PCDH11X: variants seen among roughly 807,000 people sequenced by gnomAD.
PCDH11X encodes protocadherin-11 X-linked.
PCDH11X carries 18 observed loss-of-function variants against 53.3 expected under a neutral mutation model. That is an observed-to-expected ratio of 0.34 (90% confidence interval 0.23 to 0.50). PCDH11X has a LOEUF of 0.50. Among genes scored for constraint, PCDH11X ranks in the 20% least tolerant of loss-of-function variants. PCDH11X has a pLI of 0.98. For synonymous variants in PCDH11X, 279 were observed against 393.3 expected, an observed-to-expected ratio of 0.71 and a Z score of 3.44; for missense variants, 570 against 1,032.4, an observed-to-expected ratio of 0.55 and a Z score of 6.14.
intron 4 of PCDH11X, 70 bp from the exon 5 acceptor site, chrX:91,835,391 C>T: frequency 8.3e-7 from 1 of 1,204,070 alleles, no homozygotes; most frequent in Non-Finnish European, 1.1e-6. Flanking sequence ...TTTTTGTTAA[C>T]ATGCATGTTT....
intron 5 of PCDH11X, among the ~76,000 whole-genome samples, chrX:91,853,125 A>G (rs1039249537): frequency 1.8e-5 from 2 of 108,212 alleles, no homozygotes; most frequent in African/African-American, 6.7e-5. Flanking sequence ...CTTTTAACAA[A>G]TTCATAATAT....
chrX:92,534,382 C>A, intron 10 of PCDH11X, among the ~76,000 whole-genome samples: 1 of 111,012 alleles, frequency 9.0e-6, no homozygotes, highest in East Asian at 2.8e-4. Flanking sequence ...ACGAGCAAAG[C>A]CTCCAAGACA....
chrX:91,781,298 C>G lies in PCDH11X; in HGVS notation c.-379+1614C>G, dbSNP rs766517489. ...TGTGTGGAAGAAACTGGTTGAAAAT[C>G]CGGGTAGAAGGGGGAGGGGGGGCAG... On this transcript the variant is annotated intron_variant, in intron 1 of 10. Transcript: ENST00000682573. Among the ~76,000 whole-genome samples, 23 of 105,869 alleles carry G rather than the reference C, an allele frequency of 2.2e-4. No individual in the cohort carries two copies. In the South Asian group the frequency reaches 9.6e-3, roughly 44 times the overall value. 91.9% of individuals were successfully genotyped at this position (105,869 alleles called of 115,157 possible).
chrX:92,215,767 C>T (rs945751009), intron 7 of PCDH11X, among the ~76,000 whole-genome samples: 1 of 106,677 alleles, frequency 9.4e-6, no homozygotes, highest in Non-Finnish European at 1.9e-5. Flanking sequence ...GTATCCCTGA[C>T]CCCTGACTCC....
intron 1 of PCDH11X, among the ~76,000 whole-genome samples, chrX:91,805,045 C>A (rs1936053760): frequency 9.8e-6 from 1 of 102,078 alleles, no homozygotes; most frequent in Non-Finnish European, 2.0e-5. Flanking sequence ...AATGAATATA[C>A]CACACTTTAT....
intron 6 of PCDH11X, among the ~76,000 whole-genome samples, chrX:92,117,436 C>CA (rs10628988): frequency 0.014 from 1,337 of 95,146 alleles, 15 homozygotes; most frequent in African/African-American, 0.045. Flanking sequence ...AACTCTGTCT[C>CA]AAAAAAAAAA....
chrX:91,909,554 G>T (rs760716534), intron 6 of PCDH11X, among the ~76,000 whole-genome samples: 1 of 109,542 alleles, frequency 9.1e-6, no homozygotes, highest in African/African-American at 3.3e-5. Flanking sequence ...AACAAAAGAA[G>T]GTGTAGGCAT....
At chrX:92,248,645 T>C (rs764291956) in intron 7 of PCDH11X, among the ~76,000 whole-genome samples, 2 of 111,866 alleles carry the variant, frequency 1.8e-5, no homozygotes, top group East Asian at 5.6e-4. Context: ...ATAGTTACTC[T>C]ACTGTGCTAT....
intron 6 of PCDH11X, among the ~76,000 whole-genome samples, chrX:92,095,902 C>T (rs1381036947): frequency 8.9e-6 from 1 of 111,844 alleles, no homozygotes; most frequent in Non-Finnish European, 1.9e-5. Flanking sequence ...TTACTTTTTG[C>T]TATTCAAGTT....
chrX:92,273,558 G>T (rs998671068), intron 8 of PCDH11X, among the ~76,000 whole-genome samples: 1 of 110,628 alleles, frequency 9.0e-6, no homozygotes, highest in African/African-American at 3.3e-5. Flanking sequence ...GTGTTGAAGT[G>T]TTGGGGCGGT....
intron 10 of PCDH11X, among the ~76,000 whole-genome samples, chrX:92,548,459 T>G (rs1204415206): frequency 8.9e-6 from 1 of 111,894 alleles, no homozygotes; most frequent in African/African-American, 3.3e-5. Flanking sequence ...GCATGAGCCA[T>G]CGCACGCAGC....
At chrX:92,522,967 A>G (rs1173048022) in intron 10 of PCDH11X, among the ~76,000 whole-genome samples, 1 of 111,446 alleles carries the variant, frequency 9.0e-6, no homozygotes, top group Non-Finnish European at 1.9e-5. Context: ...TTTGGCCACT[A>G]AGAAAGTAAG....
rs1384963867 is a variant in PCDH11X, at chrX:92,505,662, G to A, written c.3367+37340G>A. Among the ~76,000 whole-genome samples the A allele has an allele frequency of 4.5e-5, 5 of 110,977 alleles. No individual in the cohort carries two copies. In the East Asian group the frequency reaches 1.4e-3, roughly 31 times the overall value. ...CCTCCAGCTTTGTTATTTTTGCCTA[G>A]GATTGCTTTAGTCATTTAGACTCTT... On this transcript the variant is annotated intron_variant, in intron 10 of 10. Coordinates refer to ENST00000682573, the MANE Select transcript of PCDH11X (RefSeq NM_032968.5).
intron 6 of PCDH11X, among the ~76,000 whole-genome samples, chrX:92,099,380 C>T (rs921583567): frequency 2.8e-5 from 3 of 107,485 alleles, no homozygotes; most frequent in African/African-American, 1.0e-4. Context: ...CTTCAAACTT[C>T]ATGGCAGTAA....
intron 6 of PCDH11X, among the ~76,000 whole-genome samples, chrX:92,106,018 T>G (rs955596549): frequency 2.7e-5 from 3 of 111,356 alleles, no homozygotes; most frequent in Admixed American, 9.6e-5. Flanking sequence ...CTCATAGCTG[T>G]TATAAACAGT....
intron 6 of PCDH11X, among the ~76,000 whole-genome samples, chrX:92,071,877 G>A (rs1197985520): frequency 2.7e-5 from 3 of 112,112 alleles, no homozygotes; most frequent in Non-Finnish European, 3.8e-5. Flanking sequence ...CATTCCTGAA[G>A]CCAGCGCAGT....
chrX:92,572,651 A>G (rs2071790426), intron 10 of PCDH11X, among the ~76,000 whole-genome samples: 1 of 108,143 alleles, frequency 9.2e-6, no homozygotes, highest in Non-Finnish European at 1.9e-5. Context: ...TGGTAGGCTG[A>G]GGCAGGTGGA....
chrX:91,987,391 T>C (rs1380321545), intron 6 of PCDH11X, among the ~76,000 whole-genome samples: 1 of 112,045 alleles, frequency 8.9e-6, no homozygotes, highest in African/African-American at 3.2e-5. Flanking sequence ...CCAGACATAT[T>C]TCTTCTTAAT....
intron 7 of PCDH11X, among the ~76,000 whole-genome samples, chrX:92,218,402 G>C (rs1452813584): frequency 9.0e-6 from 1 of 111,499 alleles, no homozygotes; most frequent in African/African-American, 3.3e-5. Flanking sequence ...ACTACCATCA[G>C]AGAATACTAC....
Sources: allele counts gnomAD v4.1 joint callset (sites outside exome capture counted in the v4.1 genomes callset), GRCh38; gene constraint gnomAD v4.1.1; transcripts MANE v1.5; gene names NCBI Gene and HGNC (gene_info 2026-07-23, HGNC 2026-07-21).